Variants in FLT4 observed in about 807,000 individuals in gnomAD.
FLT4 encodes fms related receptor tyrosine kinase 4.
Under a neutral mutation model 163.2 loss-of-function variants are expected in FLT4, and 30 were observed. The ratio of observed to expected loss-of-function variants is 0.18; its 90% CI spans 0.14 to 0.25. The LOEUF (loss-of-function observed/expected upper bound fraction) is 0.25. Among genes scored for constraint, FLT4 ranks in the 10% least tolerant of loss-of-function variants. The probability of loss-of-function intolerance (pLI) is 1.00; values close to 1 mark genes in which losing one functional copy is unlikely to be tolerated. For synonymous variants in FLT4, 884 were observed against 789.5 expected (o/e 1.12, Z -2.01); for missense variants, 1,510 against 1,863.8 (o/e 0.81, Z 3.50).
Position 180,630,376 on chromosome 5 carries a change from C to A in FLT4, c.401-39G>T, listed in dbSNP as rs376874261. On this transcript the variant is annotated intron_variant, in intron 3 of 29. Coordinates refer to ENST00000261937, the MANE Select transcript of FLT4 (RefSeq NM_182925.5). This position sits in a 1 kb window ranked among gnomAD's most constrained non-coding sequence, Gnocchi z 6.3. ...GCAAGCTGTTGGGGAAGGGACGTGG[C>A]GGCCAGGCTGGGGGAGGGCTCCACG... 5.0e-6 allele frequency: 8 copies of A among 1,584,942 alleles called. No homozygotes were observed. Among genetic ancestry groups the A allele is most frequent in the Non-Finnish European group, 6.9e-6 (8 of 1,163,796 alleles).
intron 26 of FLT4, 141 bp from the exon 27 acceptor site, chr5:180,611,620 C>G: frequency 5.7e-6 from 5 of 879,982 alleles, no homozygotes; most frequent in Non-Finnish European, 8.8e-6. Context: ...CTCTCGCCCC[C>G]GCCCTCGCCC....
chr5:180,616,822 G>C (rs1198205096), intron 22 of FLT4, 78 bp downstream of exon 22: 14 of 1,103,796 alleles, frequency 1.3e-5, no homozygotes, highest in Non-Finnish European at 1.8e-5. Flanking sequence ...TGCAGGGTGA[G>C]GCCAGTACCA....
At chr5:180,645,641 C>T (rs559488657) in intron 1 of FLT4, among the ~76,000 whole-genome samples, 2 of 152,210 alleles carry the variant, frequency 1.3e-5, no homozygotes, top group Admixed American at 6.5e-5. Flanking sequence ...TAGGGTGGTG[C>T]GGGCCTCAGA....
Position 180,623,803 on chromosome 5 carries a change from C to T in FLT4, c.1548+132G>A. Reference sequence around the variant, plus strand: ...CAGGGTGGCCGAGGCCTACAGACTGCAGGAAGGTCACCCGCTCTCGGCTGC... The same window carrying T: ...CAGGGTGGCCGAGGCCTACAGACTGTAGGAAGGTCACCCGCTCTCGGCTGC... On this transcript the variant is annotated intron_variant, in intron 11 of 29. Coordinates refer to ENST00000261937, the MANE Select transcript of FLT4 (RefSeq NM_182925.5). This position sits in a 1 kb window ranked among gnomAD's most constrained non-coding sequence, Gnocchi z 5.8. The T allele has an allele frequency of 1.7e-6, 2 of 1,160,660 alleles. No homozygotes were observed. Among genetic ancestry groups the T allele is most frequent in the Non-Finnish European group, 2.6e-6 (2 of 780,538 alleles). 71.9% of individuals were successfully genotyped at this position (1,160,660 alleles called of 1,614,324 possible). A position where few individuals can be genotyped will look rare whatever the true frequency, so the allele number is the denominator to read the frequency against.
intron 1 of FLT4, among the ~76,000 whole-genome samples, chr5:180,632,591 C>A (rs568614699): frequency 1.3e-5 from 2 of 151,074 alleles, no homozygotes; most frequent in East Asian, 3.9e-4. Flanking sequence ...CCCTCCTCCC[C>A]GTGAGGTGGT....
intron 8 of FLT4, among the ~76,000 whole-genome samples, chr5:180,627,622 G>T (rs1763732746): frequency 6.6e-6 from 1 of 152,220 alleles, no homozygotes; most frequent in Non-Finnish European, 1.5e-5. Flanking sequence ...GGGCACCACA[G>T]GAAGGGTGGG....
In FLT4 at chr5:180,626,102, C is replaced by G; in HGVS notation, c.1258+9G>C. ...CGCCCACCCGTGCGCTCTCCCGTCCCTGACCTACCATTCACCACCAGCTCC... is the reference window on the plus strand; with the variant it reads ...CGCCCACCCGTGCGCTCTCCCGTCCGTGACCTACCATTCACCACCAGCTCC... On this transcript the variant is annotated intron_variant, in intron 9 of 29. Coordinates refer to ENST00000261937, the MANE Select transcript of FLT4 (RefSeq NM_182925.5). 1 of 1,612,828 alleles carries G rather than the reference C, an allele frequency of 6.2e-7. No homozygotes were observed. Among genetic ancestry groups the G allele is most frequent in the Non-Finnish European group, 8.5e-7 (1 of 1,180,002 alleles).
At chr5:180,638,712 C>G (rs1392477949) in intron 1 of FLT4, among the ~76,000 whole-genome samples, 2 of 152,230 alleles carry the variant, frequency 1.3e-5, no homozygotes, top group Non-Finnish European at 2.9e-5. Flanking sequence ...TGCCCCCAGG[C>G]TGACTTCTCA....
At chr5:180,640,130 C>G (rs1271778759) in intron 1 of FLT4, among the ~76,000 whole-genome samples, 1 of 152,222 alleles carries the variant, frequency 6.6e-6, no homozygotes, top group Non-Finnish European at 1.5e-5. Context: ...CTCCCCTGGG[C>G]AGTGCTGGCA....
At chr5:180,642,156 G>A (rs1035952363) in intron 1 of FLT4, among the ~76,000 whole-genome samples, 9 of 151,314 alleles carry the variant, frequency 5.9e-5, no homozygotes, top group Admixed American at 4.6e-4. Context: ...GCAGTGGGCC[G>A]AGATCGCGCC....
In FLT4 at chr5:180,629,028, C is replaced by T. The variant is rs986814071; in HGVS notation, c.986-29G>A. ...CCGGACAGGAGAAGTCACTGTAAAT[C>T]CAGGACTGACCCGTCGTGGACTGAC... On this transcript the variant is annotated intron_variant, in intron 7 of 29. Coordinates refer to ENST00000261937, the MANE Select transcript of FLT4 (RefSeq NM_182925.5). The T allele has an allele frequency of 5.1e-6, 8 of 1,580,660 alleles. No individual in the cohort carries two copies. The African/African-American group carries it at 1.1e-4, about 21-fold the overall frequency.
rs377603682 is a variant in FLT4 at position 180,620,313 on chromosome 5, G to T, written c.2407-5C>A. The T allele has an allele frequency of 6.2e-7, 1 of 1,610,736 alleles. No homozygotes were observed. Among genetic ancestry groups the T allele is most frequent in the Admixed American group, 1.7e-5 (1 of 60,024 alleles). On this transcript the variant is annotated splice_polypyrimidine_tract_variant and splice_region_variant and intron_variant, in intron 16 of 29. Coordinates refer to ENST00000261937, the MANE Select transcript of FLT4 (RefSeq NM_182925.5). The surrounding 1 kb of genome is among the most constrained non-coding windows in gnomAD (Gnocchi z 4.4). ...CTTGATGTCTGCGTGGGCCGGCTGC[G>T]GGGAGGGGACAGGGAGGAGTGGGGC...
At position 180,601,621 on chromosome 5, in the gene FLT4, C is replaced by A. The variant is rs879541932; in HGVS notation, c.*1571G>T. 4 of 233,058 alleles carry A rather than the reference C, an allele frequency of 1.7e-5. No homozygotes were observed. The highest frequency in any genetic ancestry group is 1.1e-4 in the Admixed American group (2 of 17,764). 14.4% of individuals were successfully genotyped at this position (233,058 alleles called of 1,614,324 possible). On this transcript the variant is annotated 3_prime_UTR_variant, in exon 30 of 30. Transcript: ENST00000261937. ...ATAGTAGTTTTTTTCCCGGTACATG[C>A]GTGGGTGGGTAGTGAGGAGAAGGGA...
intron 21 of FLT4, 66 bp from the exon 22 acceptor site, chr5:180,617,060 G>C: frequency 8.5e-7 from 1 of 1,178,068 alleles, no homozygotes; most frequent in East Asian, 2.3e-5. Flanking sequence ...CCCAGCCCCA[G>C]GGAACAGCTA....
At position 180,619,119 on chromosome 5, in the gene FLT4, G is replaced by A. The variant is rs755158312; in HGVS notation, c.2762-10C>T. ...ATCACCATGAGGGGGCCTGCGGCGG[G>A]ACCGGGCGGCGGCCGTGCGTTCGGA... On this transcript the variant is annotated splice_polypyrimidine_tract_variant and intron_variant, in intron 19 of 29. Transcript: ENST00000261937. 2.1e-5 allele frequency: 32 copies of A among 1,505,632 alleles called. No homozygotes were observed. The highest frequency in any genetic ancestry group is 2.9e-5 in the African/African-American group (2 of 68,958). The allele number at this position is 1,505,632 out of a possible 1,614,324, so 93.3% of individuals were successfully genotyped here. A position where few individuals can be genotyped will look rare whatever the true frequency, so the allele number is the denominator to read the frequency against.
At chr5:180,637,427 A>G (rs989338970) in intron 1 of FLT4, among the ~76,000 whole-genome samples, 4 of 151,888 alleles carry the variant, frequency 2.6e-5, no homozygotes, top group Non-Finnish European at 2.9e-5. Flanking sequence ...ATCCTCTGAC[A>G]TGCCTCCTGC....
At position 180,619,787 on chromosome 5, in the gene FLT4, C is replaced by A; in HGVS notation, c.2543-18G>T. On this transcript the variant is annotated intron_variant, in intron 17 of 29. Transcript: ENST00000261937. ...CACTCTCCCTGTCGGGGCAGGGGGC[C>A]AGTTGCAGGTGAGCTGTACGGGGTG... 1 of 1,583,420 alleles carries A rather than the reference C, an allele frequency of 6.3e-7. No individual in the cohort carries two copies. Among genetic ancestry groups the A allele is most frequent in the African/African-American group, 1.3e-5 (1 of 74,468 alleles).
chr5:180,643,387 G>A (rs747451339), intron 1 of FLT4, among the ~76,000 whole-genome samples: 4 of 152,142 alleles, frequency 2.6e-5, no homozygotes. Flanking sequence ...GCAGCTTGGC[G>A]TGGATGCTTT....
In FLT4 at chr5:180,620,579, A is replaced by C. The variant is rs1763047383; in HGVS notation, c.2406+30T>G. The C allele has an allele frequency of 6.7e-7, 1 of 1,502,736 alleles. No individual in the cohort carries two copies. The highest frequency in any genetic ancestry group is 2.3e-5 in the East Asian group (1 of 44,276). The allele number at this position is 1,502,736 out of a possible 1,614,324, so 93.1% of individuals were successfully genotyped here. A position where few individuals can be genotyped will look rare whatever the true frequency, so the allele number is the denominator to read the frequency against. ...CCAGGGTGGGGAAGGCCTGAGAGAG[A>C]CTCCATCAGGAGCGGGGAGGGACAC... is the stretch of plus-strand genomic sequence containing the variant. On this transcript the variant is annotated intron_variant, in intron 16 of 29. Coordinates refer to ENST00000261937, the MANE Select transcript of FLT4 (RefSeq NM_182925.5). This position sits in a 1 kb window ranked among gnomAD's most constrained non-coding sequence, Gnocchi z 4.4.
Sources: allele counts gnomAD v4.1 joint callset (sites outside exome capture counted in the v4.1 genomes callset), GRCh38; gene constraint gnomAD v4.1.1; non-coding constraint Gnocchi (gnomAD v3.1); transcripts MANE v1.5; gene names NCBI Gene and HGNC (gene_info 2026-07-23, HGNC 2026-07-21).